GET4: variants seen among roughly 807,000 people sequenced by gnomAD.
The protein encoded by GET4 is guided entry of tail-anchored proteins factor 4, also known as Golgi to ER traffic protein 4 homolog.
GET4 carries 20 observed loss-of-function variants against 40.0 expected under a neutral mutation model. The observed-to-expected ratio is 0.50, with a 90% CI of 0.35 to 0.73. The LOEUF is 0.73. GET4 is among the 30% of genes least tolerant of loss of function. The pLI, the probability that GET4 is intolerant of heterozygous loss-of-function variation, is 0.01. For missense variants in GET4, 557 were observed against 454.0 expected, an observed-to-expected ratio of 1.23 and a Z score of -2.06; for synonymous variants, 280 against 194.6, an observed-to-expected ratio of 1.44 and a Z score of -3.65.
Position 876,643 on chromosome 7 carries a change from C to T in GET4, c.-3C>T. The T allele has an allele frequency of 7.9e-7, 1 of 1,263,090 alleles. No homozygotes were observed. The highest frequency in any genetic ancestry group is 1.0e-6 in the Non-Finnish European group (1 of 997,852). The allele number at this position is 1,263,090 out of a possible 1,614,324, so 78.2% of individuals were successfully genotyped here. ...CGTCAGCCCTGCGCGGAGCGCCGGCCCGATGGCGGCGGCGGCGGCGATGGC... is the reference window on the plus strand; with the variant it reads ...CGTCAGCCCTGCGCGGAGCGCCGGCTCGATGGCGGCGGCGGCGGCGATGGC... On this transcript the variant is annotated 5_prime_UTR_variant, in exon 1 of 9. Transcript: ENST00000265857.
chr7:878,237 G>T, intron 1 of GET4: 1 of 470,678 alleles, frequency 2.1e-6, no homozygotes, highest in African/African-American at 2.0e-5. Context: ...GAAGTTCCAG[G>T]CTGCTGCGTG....
rs778526000 is a variant in GET4 at position 892,305 on chromosome 7, C to T, written c.633C>T (p.Ser211=). The change falls in exon 6 of 9, where the codon AGC becomes AGT. Residue 211 remains serine (S), a synonymous_variant. Transcript: ENST00000265857. ...TTCTCTGTTTAAAAAACAAAAGTAG[C>T]GCATCGGTGGTCTTCACGACGTACA... ...LQFLCLKNKS[S]ASVVFTTYTQ... 24 of 1,589,994 alleles carry T rather than the reference C, an allele frequency of 1.5e-5. No homozygotes were observed. Among genetic ancestry groups the T allele is most frequent in the Admixed American group, 1.3e-4 (8 of 59,700 alleles).
chr7:887,851 G>A (rs192604968), intron 4 of GET4, among the ~76,000 whole-genome samples: 44 of 152,314 alleles, frequency 2.9e-4, no homozygotes, highest in African/African-American at 8.4e-4. Context: ...GGATGGTGCT[G>A]TGCCCTGTTT....
In GET4 at chr7:896,172, T is replaced by C. The variant is rs752692816; in HGVS notation, c.*750T>C. 6 of 152,162 alleles carry C rather than the reference T, an allele frequency of 3.9e-5. No individual in the cohort carries two copies. Among genetic ancestry groups the C allele is most frequent in the Non-Finnish European group, 5.9e-5 (4 of 68,044 alleles). The allele number at this position is 152,162 out of a possible 1,614,324, so 9.4% of individuals were successfully genotyped here. On this transcript the variant is annotated 3_prime_UTR_variant, in exon 9 of 9. Transcript: ENST00000265857. ...ATATTTATTTGTATTGGGTGATGAT[T>C]GATTCTTTCGACCTAACATTTTGGG...
intron 2 of GET4, 60 bp from the exon 3 acceptor site, chr7:886,509 T>G: frequency 7.9e-7 from 1 of 1,266,586 alleles, no homozygotes; most frequent in Admixed American, 1.7e-5. Context: ...GCCTTGTCTT[T>G]GCTGTCCTGA....
At position 895,314 on chromosome 7, in the gene GET4, C is replaced by G. The variant is rs758470878; in HGVS notation, c.896-20C>G. 7.4e-7 allele frequency: 1 copy of G among 1,351,268 alleles called. No individual in the cohort carries two copies. Among genetic ancestry groups the G allele is most frequent in the East Asian group, 2.3e-5 (1 of 42,614 alleles). The allele number at this position is 1,351,268 out of a possible 1,614,324, so 83.7% of individuals were successfully genotyped here. On this transcript the variant is annotated intron_variant, in intron 8 of 8. Transcript: ENST00000265857. Reference sequence around the variant, plus strand: ...TGGGAGGCTGCCCAGGCGTGACTGCCACGGTGTTCTTCTTTCCAGGGAACC... The same window carrying G: ...TGGGAGGCTGCCCAGGCGTGACTGCGACGGTGTTCTTCTTTCCAGGGAACC...
chr7:891,010 C>T lies in GET4; in HGVS notation c.549C>T (p.Ser183=). The change falls in exon 5 of 9, where the codon TCC becomes TCT. Residue 183 remains serine (S), a synonymous_variant. Transcript: ENST00000265857. The part of the protein sequence containing the change: ...EGCANMLVEY[S]TSRGFRSEVD... ...GTGCCAACATGCTGGTGGAGTATTC[C>T]ACGTCCCGCGGCTTCCGCAGCGAGG... 1 of 1,611,894 alleles carries T rather than the reference C, an allele frequency of 6.2e-7. No individual in the cohort carries two copies. The highest frequency in any genetic ancestry group is 8.5e-7 in the Non-Finnish European group (1 of 1,178,284).
intron 7 of GET4, 34 bp from the exon 8 acceptor site, chr7:893,865 C>A (rs1395200483): frequency 6.2e-7 from 1 of 1,610,142 alleles, no homozygotes; most frequent in Non-Finnish European, 8.5e-7. Flanking sequence ...GGTCTGGGTC[C>A]ACCCCCTCTG....
intron 8 of GET4, 38 bp from the exon 9 acceptor site, chr7:895,290 GGGAGGC>G: frequency 1.0e-6 from 1 of 964,304 alleles, no homozygotes; most frequent in Non-Finnish European, 1.6e-6. Flanking sequence ...GGGGGCCTGT[GGGAGGC>G]TGCCCAGGCG....
rs777183001 is a variant in GET4, at chr7:895,373, A to T, written c.935A>T (p.Glu312Val). 1.3e-6 allele frequency: 2 copies of T among 1,599,862 alleles called. No homozygotes were observed. The highest frequency in any genetic ancestry group is 1.7e-6 in the Non-Finnish European group (2 of 1,168,934). ...LTSLMGSSEQEDGEESPSDGS... is the reference protein window; with the variant it reads ...LTSLMGSSEQVDGEESPSDGS... ...AGCCTCATGGGCTCCTCAGAGCAGG[A>T]GGATGGGGAGGAGAGCCCCAGCGAC... The change falls in exon 9 of 9, where the codon GAG becomes GTG. Residue 312 changes from glutamate to valine, a missense_variant. Glu to Val is a moderately radical substitution (Grantham distance 121). Coordinates refer to ENST00000265857, the MANE Select transcript of GET4 (RefSeq NM_015949.3).
chr7:892,204 T>G (rs1844340421), intron 5 of GET4, 74 bp from the exon 6 acceptor site: 2 of 1,500,592 alleles, frequency 1.3e-6, no homozygotes, highest in Non-Finnish European at 1.8e-6. Flanking sequence ...GAAGGACATG[T>G]CGGAGGCCGG....
At chr7:894,953 AG>A (rs1844441133) in intron 8 of GET4, among the ~76,000 whole-genome samples, 3 of 152,122 alleles carry the variant, frequency 2.0e-5, no homozygotes, top group Admixed American at 2.0e-4. Context: ...TGTGCTCTAC[AG>A]CCCCACTTCT....
intron 1 of GET4, chr7:885,481 C>G (rs1250645892): frequency 6.5e-6 from 1 of 153,318 alleles, no homozygotes; most frequent in Non-Finnish European, 1.5e-5. Flanking sequence ...CAGCGGTGCT[C>G]TGGGAGTGGG....
chr7:878,140 G>T, intron 1 of GET4: 11 of 397,312 alleles, frequency 2.8e-5, no homozygotes, highest in South Asian at 1.8e-4. Context: ...GGTGACACCT[G>T]CACGGCCGGT....
chr7:894,535 C>T (rs1395091986), intron 8 of GET4, among the ~76,000 whole-genome samples: 2 of 152,204 alleles, frequency 1.3e-5, no homozygotes, highest in African/African-American at 2.4e-5. Context: ...GTGGCAGGCC[C>T]TGTCCTCCCC....
rs1251902613 is a variant in GET4, at chr7:893,738, A to C, written c.747-2A>C. ...GCACATCCCTGTGTGTCTCTGTCCC[A>C]GTGGGAAGCTGACGGTGTTCACTGT... is the stretch of plus-strand genomic sequence containing the variant. On this transcript the variant is annotated splice_acceptor_variant, in intron 6 of 8. Coordinates refer to ENST00000265857, the MANE Select transcript of GET4 (RefSeq NM_015949.3). LOFTEE classifies it high-confidence loss of function. 6.3e-7 allele frequency: 1 copy of C among 1,597,072 alleles called. No homozygotes were observed. Among genetic ancestry groups the C allele is most frequent in the Non-Finnish European group, 8.6e-7 (1 of 1,167,008 alleles).
At chr7:890,831 C>A in intron 4 of GET4, 97 bp from the exon 5 acceptor site, 2 of 990,490 alleles carry the variant, frequency 2.0e-6, no homozygotes, top group Non-Finnish European at 1.6e-6. Flanking sequence ...CCAGGGCGGG[C>A]AGGTGGGCTA....
At chr7:876,894 C>G (rs1843962673) in intron 1 of GET4, 94 bp downstream of exon 1, 2 of 648,296 alleles carry the variant, frequency 3.1e-6, no homozygotes, top group Non-Finnish European at 2.0e-6. Flanking sequence ...TTGGGCCGCG[C>G]CGCTGCCCGT....
At chr7:893,042 T>C (rs1283343214) in intron 6 of GET4, among the ~76,000 whole-genome samples, 4 of 137,496 alleles carry the variant, frequency 2.9e-5, no homozygotes, top group Admixed American at 7.2e-5. Context: ...TGTGTGCAGG[T>C]GAGTGTTGGG....
Sources: allele counts gnomAD v4.1 joint callset (sites outside exome capture counted in the v4.1 genomes callset), GRCh38; gene constraint gnomAD v4.1.1; transcripts MANE v1.5; gene names NCBI Gene and HGNC (gene_info 2026-07-23, HGNC 2026-07-21).